The following TRAPPC9 variants were observed in gnomAD, a reference collection of about 807,000 sequenced individuals.
TRAPPC9 encodes the protein IKK2 binding protein.
In TRAPPC9, 83 loss-of-function variants were observed where a neutral mutation model predicts 124.0. That is an observed-to-expected ratio of 0.67 (90% CI 0.56 to 0.80). The LOEUF is 0.80. TRAPPC9 is among the 30% of genes least tolerant of loss of function. The probability of loss-of-function intolerance (pLI) is 0.00; values close to 1 mark genes in which losing one functional copy is unlikely to be tolerated. For missense variants in TRAPPC9, 1,302 were observed against 1,508.3 expected (o/e 0.86, Z 2.27); for synonymous variants, 638 against 617.5 (o/e 1.03, Z -0.49).
At chr8:139,936,160 T>C (rs1445101571) in intron 19 of TRAPPC9, among the ~76,000 whole-genome samples, 1 of 152,168 alleles carries the variant, frequency 6.6e-6, no homozygotes, top group African/African-American at 2.4e-5. Context: ...CCGGCCCTTT[T>C]GAGATAGCGC....
At chr8:140,246,966 T>C (rs979056112) in intron 16 of TRAPPC9, among the ~76,000 whole-genome samples, 4 of 151,924 alleles carry the variant, frequency 2.6e-5, no homozygotes, top group Non-Finnish European at 5.9e-5. Context: ...GCCCGGGCGA[T>C]AGAGCCAGAC....
chr8:140,408,306 C>G (rs1389981500), intron 5 of TRAPPC9, among the ~76,000 whole-genome samples: 1 of 152,072 alleles, frequency 6.6e-6, no homozygotes, highest in African/African-American at 2.4e-5. Context: ...TTGAAAAAGG[C>G]ACCACCAAAA....
intron 17 of TRAPPC9, among the ~76,000 whole-genome samples, chr8:140,152,616 C>A (rs1270370485): frequency 2.0e-5 from 3 of 152,154 alleles, no homozygotes; most frequent in Non-Finnish European, 4.4e-5. Context: ...GATCCACCCG[C>A]CTCGGCCTCC....
chr8:140,354,922 A>G (rs2067692474), intron 9 of TRAPPC9, among the ~76,000 whole-genome samples: 2 of 152,176 alleles, frequency 1.3e-5, no homozygotes, highest in South Asian at 4.1e-4. Flanking sequence ...AGACCTCCTG[A>G]CTTTTGTCCT....
rs560059739 is a variant in TRAPPC9, at chr8:139,984,461, G to A, written c.2810+4265C>T. On this transcript the variant is annotated intron_variant, in intron 19 of 22. Coordinates refer to ENST00000438773, the MANE Select transcript of TRAPPC9 (RefSeq NM_001160372.4). The surrounding 1 kb of genome is among the most constrained non-coding windows in gnomAD (Gnocchi z 4.3). ...TAGCACAGCCTGGGGGTGGGGGGCC[G>A]GGGGGTGGTGGCAGGGGTGCCTCCT... 3.7e-3 allele frequency among the ~76,000 whole-genome samples: 568 copies of A among 151,794 alleles called. 4 individuals carry two copies. The highest frequency in any genetic ancestry group is 7.3e-3 in the Admixed American group (112 of 15,268).
chr8:140,064,295 G>A (rs547689643), intron 17 of TRAPPC9, among the ~76,000 whole-genome samples: 8 of 152,262 alleles, frequency 5.3e-5, no homozygotes, highest in African/African-American at 1.9e-4. Flanking sequence ...TTTACAACGT[G>A]ACATTCATCG....
In TRAPPC9 at chr8:139,729,732, C is replaced by T. The variant is rs560849736; in HGVS notation, c.*1329G>A. On this transcript the variant is annotated 3_prime_UTR_variant, in exon 23 of 23. Coordinates refer to ENST00000438773, the MANE Select transcript of TRAPPC9 (RefSeq NM_001160372.4). ...GGTCCTCAGGAAGTTCCCTCAGCCC[C>T]GCAGGCCTCCTGATGCCAACATGAC... 5.3e-5 allele frequency among the ~76,000 whole-genome samples: 8 copies of T among 152,330 alleles called. No homozygotes were observed. In the South Asian group the frequency reaches 1.2e-3, roughly 24 times the overall value.
chr8:139,900,218 C>T (rs143938013), intron 20 of TRAPPC9, among the ~76,000 whole-genome samples: 4 of 152,336 alleles, frequency 2.6e-5, no homozygotes, highest in East Asian at 1.9e-4. Flanking sequence ...GTGCCTGGGT[C>T]CTCACTTCCA....
chr8:140,403,681 G>A (rs1025231484), intron 6 of TRAPPC9, among the ~76,000 whole-genome samples: 16 of 150,170 alleles, frequency 1.1e-4, no homozygotes, highest in Admixed American at 2.6e-4. Flanking sequence ...TTTTTGAGAC[G>A]GAGTCTCACT....
At chr8:139,888,163 G>A (rs1483979939) in intron 20 of TRAPPC9, among the ~76,000 whole-genome samples, 4 of 152,204 alleles carry the variant, frequency 2.6e-5, no homozygotes, top group Admixed American at 2.6e-4. Context: ...GAGGGCTTGG[G>A]AGCTGTGGCT....
intron 21 of TRAPPC9, among the ~76,000 whole-genome samples, chr8:139,878,341 A>C (rs568962927): frequency 2.0e-5 from 3 of 152,364 alleles, no homozygotes; most frequent in Non-Finnish European, 4.4e-5. Context: ...GGAATGCACA[A>C]AAATGAATTA....
intron 21 of TRAPPC9, among the ~76,000 whole-genome samples, chr8:139,752,408 ACCGT>A (rs1819380126): frequency 6.7e-6 from 1 of 148,764 alleles, no homozygotes; most frequent in African/African-American, 2.5e-5. Context: ...CCACCCATCT[ACCGT>A]CCATCCATCC....
intron 20 of TRAPPC9, among the ~76,000 whole-genome samples, chr8:139,904,163 A>T (rs1831195604): frequency 1.3e-5 from 2 of 152,234 alleles, no homozygotes; most frequent in South Asian, 4.1e-4. Context: ...CACATGGTAG[A>T]GCCTCAATAA....
chr8:139,914,275 G>A (rs1831952293), intron 19 of TRAPPC9, among the ~76,000 whole-genome samples: 1 of 152,274 alleles, frequency 6.6e-6, no homozygotes, highest in Non-Finnish European at 1.5e-5. Flanking sequence ...CGGGGTGGTG[G>A]CGCTTGGCTG....
At chr8:139,740,181 C>A (rs923553276) in intron 21 of TRAPPC9, among the ~76,000 whole-genome samples, 1 of 152,228 alleles carries the variant, frequency 6.6e-6, no homozygotes, top group African/African-American at 2.4e-5. Flanking sequence ...TTCCTCAAGG[C>A]GTCACATCGG....
intron 16 of TRAPPC9, among the ~76,000 whole-genome samples, chr8:140,238,780 C>T (rs2063784827): frequency 6.6e-6 from 1 of 152,204 alleles, no homozygotes; most frequent in Admixed American, 6.5e-5. Flanking sequence ...GTTGGATATA[C>T]TGAAAATTAA....
rs943231516 is a variant in TRAPPC9, at chr8:140,250,492, G to A, written c.2431+2285C>T. On this transcript the variant is annotated intron_variant, in intron 16 of 22. Transcript: ENST00000438773. ...GTTAGACTGTGAGCTACAGGGGGTC[G>A]TCTCCCAGTTCCCAGAGGCCACAAA... 1.7e-4 allele frequency among the ~76,000 whole-genome samples: 26 copies of A among 152,240 alleles called. 1 individual carries two copies. The Middle Eastern group carries it at 0.014, about 80-fold the overall frequency.
chr8:140,307,119 C>T (rs1451764944), intron 10 of TRAPPC9, among the ~76,000 whole-genome samples: 1 of 152,144 alleles, frequency 6.6e-6, no homozygotes, highest in Non-Finnish European at 1.5e-5. Context: ...AGGACATTGT[C>T]CCCCTGAAAG....
intron 7 of TRAPPC9, among the ~76,000 whole-genome samples, chr8:140,379,306 G>T (rs13255328): frequency 0.42 from 63,108 of 151,894 alleles, 13,356 homozygotes; most frequent in East Asian, 0.55. Context: ...GGAGGCTGGT[G>T]CAAGGCTGTC....
Sources: allele counts gnomAD v4.1 joint callset (sites outside exome capture counted in the v4.1 genomes callset), GRCh38; gene constraint gnomAD v4.1.1; non-coding constraint Gnocchi (gnomAD v3.1); transcripts MANE v1.5; gene names NCBI Gene and HGNC (gene_info 2026-07-23, HGNC 2026-07-21).